The following GABRA3 variants were observed in gnomAD, a reference collection of about 807,000 sequenced individuals.
GABRA3 encodes gamma-aminobutyric acid type A receptor subunit alpha3, also known as gamma-aminobutyric acid receptor subunit alpha-3.
In GABRA3, 10 loss-of-function variants were observed where a neutral mutation model predicts 30.1. The ratio of observed to expected loss-of-function variants is 0.33; its 90% confidence interval spans 0.20 to 0.56. The LOEUF (loss-of-function observed/expected upper bound fraction) is 0.56, where lower values mean the gene tolerates loss of function less well. Ranked by LOEUF, GABRA3 falls within the 20% of genes least tolerant of loss-of-function variation. GABRA3 has a pLI of 0.89. For synonymous variants in GABRA3, 151 were observed against 146.8 expected (o/e 1.03, Z -0.21); for missense variants, 233 against 392.0 (o/e 0.59, Z 3.42).
At chrX:152,229,049 T>C (rs1938018378) in intron 5 of GABRA3, among the ~76,000 whole-genome samples, 1 of 111,386 alleles carries the variant, frequency 9.0e-6, no homozygotes, top group Non-Finnish European at 1.9e-5. Flanking sequence ...AGTGACATGG[T>C]TGCCTCTGAC....
chrX:152,283,084 A>G (rs763799628), intron 4 of GABRA3, among the ~76,000 whole-genome samples: 12 of 111,676 alleles, frequency 1.1e-4, no homozygotes, highest in African/African-American at 1.9e-4. Context: ...TTTAATGCAT[A>G]GTTGGGCTCG....
intron 4 of GABRA3, among the ~76,000 whole-genome samples, chrX:152,280,198 A>G (rs1939174285): frequency 9.0e-6 from 1 of 111,323 alleles, no homozygotes; most frequent in Admixed American, 9.7e-5. Flanking sequence ...GGCATTGTTT[A>G]TATTTCCTGG....
rs185855491 is a variant in GABRA3, at chrX:152,224,230, G to A, written c.634+533C>T. On this transcript the variant is annotated intron_variant, in intron 6 of 9. Transcript: ENST00000370314. ...TGATTTTTCTAATTCATTTGAAAAT[G>A]GACTATATATTTACTACTTTTTCTG... is the stretch of plus-strand genomic sequence containing the variant. Among the ~76,000 whole-genome samples the A allele has an allele frequency of 2.7e-5, 3 of 111,965 alleles. No homozygotes were observed. In the Admixed American group the frequency reaches 2.8e-4, roughly 11 times the overall value.
At chrX:152,372,296 T>A (rs2124501129) in intron 1 of GABRA3, among the ~76,000 whole-genome samples, 1 of 111,649 alleles carries the variant, frequency 9.0e-6, no homozygotes, top group African/African-American at 3.2e-5. Flanking sequence ...CTCTAAAACC[T>A]CACCTCTTTC....
At chrX:152,235,382 C>T (rs367593301) in intron 5 of GABRA3, among the ~76,000 whole-genome samples, 11 of 110,548 alleles carry the variant, frequency 1.0e-4, no homozygotes, top group Non-Finnish European at 1.7e-4. Flanking sequence ...ATTTTGCAGC[C>T]GGAGCAATTA....
chrX:152,411,540 G>T (rs1930070873), intron 1 of GABRA3, among the ~76,000 whole-genome samples: 1 of 111,309 alleles, frequency 9.0e-6, no homozygotes, highest in African/African-American at 3.3e-5. Flanking sequence ...AAAGGAGCTG[G>T]ATCTGTTTCA....
At chrX:152,419,516 GA>G (rs952698175) in intron 1 of GABRA3, among the ~76,000 whole-genome samples, 1 of 110,671 alleles carries the variant, frequency 9.0e-6, no homozygotes, top group Non-Finnish European at 1.9e-5. Context: ...TGAAAATTTA[GA>G]AAAACGTATT....
intron 9 of GABRA3, among the ~76,000 whole-genome samples, chrX:152,188,834 C>T (rs1937288344): frequency 8.9e-6 from 1 of 112,046 alleles, no homozygotes; most frequent in Admixed American, 9.5e-5. Context: ...GTCCTGAGAT[C>T]ACATTTGCCA....
At chrX:152,225,709 A>T (rs1389826972) in intron 5 of GABRA3, among the ~76,000 whole-genome samples, 2 of 108,595 alleles carry the variant, frequency 1.8e-5, no homozygotes, top group African/African-American at 6.7e-5. Context: ...TCAAGGCTTA[A>T]CTTTCCTCGG....
intron 9 of GABRA3, among the ~76,000 whole-genome samples, chrX:152,184,565 C>G (rs1223240116): frequency 1.8e-5 from 2 of 111,468 alleles, no homozygotes; most frequent in Non-Finnish European, 1.9e-5. Context: ...TGAGCAGGCT[C>G]TGGAGTCTGG....
chrX:152,370,247 G>C (rs1047731747), intron 1 of GABRA3, among the ~76,000 whole-genome samples: 2 of 111,675 alleles, frequency 1.8e-5, no homozygotes, highest in South Asian at 3.7e-4. Flanking sequence ...CTTTATTTCA[G>C]TACCTAGAAA....
Position 152,445,169 on chromosome X carries a change from T to C in GABRA3, c.-27+5977A>G, listed in dbSNP as rs1921369490. On this transcript the variant is annotated intron_variant, in intron 1 of 9. Transcript: ENST00000370314. The stretch of plus-strand genomic sequence containing the variant: ...TATCCTGGAGATTTTTATTCCCCCT[T>C]CTGTGTATATTCAGGAGACATATTT... Among the ~76,000 whole-genome samples the C allele has an allele frequency of 3.6e-5, 4 of 109,845 alleles. No individual in the cohort carries two copies. The South Asian group carries it at 1.6e-3, about 43-fold the overall frequency.
At chrX:152,357,913 G>A (rs1457096030) in intron 2 of GABRA3, among the ~76,000 whole-genome samples, 1 of 111,036 alleles carries the variant, frequency 9.0e-6, no homozygotes, top group African/African-American at 3.3e-5. Flanking sequence ...TGGTCTAGGT[G>A]TCTATTTCTG....
chrX:152,369,546 C>T (rs1036789460), intron 1 of GABRA3, among the ~76,000 whole-genome samples: 1 of 111,028 alleles, frequency 9.0e-6, no homozygotes, highest in Non-Finnish European at 1.9e-5. Context: ...CACCTGCTAT[C>T]CCCTCTACCT....
At position 152,385,439 on chromosome X, in the gene GABRA3, C is replaced by T. The variant is rs1359323251; in HGVS notation, c.-26-20843G>A. Among the ~76,000 whole-genome samples, 21 of 111,828 alleles carry T rather than the reference C, an allele frequency of 1.9e-4. No individual in the cohort carries two copies. The Admixed American group carries it at 2.0e-3, about 11-fold the overall frequency. On this transcript the variant is annotated intron_variant, in intron 1 of 9. Transcript: ENST00000370314. ...CCATACCACAATGAAACAGAATGAA[C>T]TACAATTACATGCAACAACCTGTAC...
At chrX:152,229,239 T>C (rs1043261828) in intron 5 of GABRA3, among the ~76,000 whole-genome samples, 1 of 111,322 alleles carries the variant, frequency 9.0e-6, no homozygotes, top group African/African-American at 3.3e-5. Context: ...ATTCAGATCA[T>C]AGAACTATAG....
chrX:152,428,181 G>A (rs944982763), intron 1 of GABRA3, among the ~76,000 whole-genome samples: 1 of 111,874 alleles, frequency 8.9e-6, no homozygotes, highest in Non-Finnish European at 1.9e-5. Context: ...TATAATCTCC[G>A]CAGGCTGCTG....
intron 6 of GABRA3, among the ~76,000 whole-genome samples, chrX:152,211,342 G>A (rs774631271): frequency 3.7e-5 from 4 of 108,913 alleles, no homozygotes; most frequent in Non-Finnish European, 5.7e-5. Context: ...CAGATGTGAC[G>A]ACAAACTGTG....
intron 9 of GABRA3, among the ~76,000 whole-genome samples, chrX:152,184,410 T>G (rs1937226598): frequency 9.0e-6 from 1 of 111,299 alleles, no homozygotes; most frequent in Admixed American, 9.7e-5. Flanking sequence ...TTTAGGATGA[T>G]TAGGTAAAGT....
Sources: allele counts gnomAD v4.1 joint callset (sites outside exome capture counted in the v4.1 genomes callset), GRCh38; gene constraint gnomAD v4.1.1; transcripts MANE v1.5; gene names NCBI Gene and HGNC (gene_info 2026-07-23, HGNC 2026-07-21).